Variants in TM9SF4 observed in about 807,000 individuals in gnomAD.
TM9SF4 encodes transmembrane 9 superfamily member 4.
In TM9SF4, 26 loss-of-function variants were observed where a neutral mutation model predicts 90.4. The observed-to-expected ratio is 0.29, with a 90% CI of 0.21 to 0.40. TM9SF4 has a LOEUF of 0.40. TM9SF4 is among the 10% of genes least tolerant of loss of function. The probability of loss-of-function intolerance (pLI) is 1.00; values close to 1 mark genes in which losing one functional copy is unlikely to be tolerated. For synonymous variants in TM9SF4, 293 were observed against 315.4 expected (o/e 0.93, Z 0.75); for missense variants, 549 against 834.8 (o/e 0.66, Z 4.22).
At chr20:32,109,918 C>T (rs2046115178) in intron 1 of TM9SF4, 163 bp downstream of exon 1, 3 of 1,462,550 alleles carry the variant, frequency 2.1e-6, no homozygotes, top group East Asian at 2.5e-5. Flanking sequence ...ATCCACCTCC[C>T]TGGCCCTGCC....
chr20:32,117,799 C>G (rs1352376066), intron 1 of TM9SF4, among the ~76,000 whole-genome samples: 7 of 152,094 alleles, frequency 4.6e-5, no homozygotes, highest in Non-Finnish European at 1.0e-4. Context: ...TGATATGCTG[C>G]CTTTGAGGTC....
At chr20:32,152,980 C>G (rs1489994205) in intron 12 of TM9SF4, among the ~76,000 whole-genome samples, 1 of 152,144 alleles carries the variant, frequency 6.6e-6, no homozygotes, top group Non-Finnish European at 1.5e-5. Flanking sequence ...GAATTCTGTG[C>G]TACACAACAG....
intron 3 of TM9SF4, among the ~76,000 whole-genome samples, chr20:32,141,183 C>G (rs1271159962): frequency 1.4e-5 from 2 of 141,490 alleles, no homozygotes; most frequent in African/African-American, 5.4e-5. Flanking sequence ...TGCCACTGCA[C>G]TCCAGCCTGG....
At chr20:32,121,312 C>A (rs1484884515) in intron 1 of TM9SF4, among the ~76,000 whole-genome samples, 2 of 150,034 alleles carry the variant, frequency 1.3e-5, no homozygotes, top group Admixed American at 6.7e-5. Context: ...AACAAGTGAA[C>A]AAAGGTCTCT....
chr20:32,139,144 G>A (rs968087370), intron 3 of TM9SF4, among the ~76,000 whole-genome samples: 1 of 152,182 alleles, frequency 6.6e-6, no homozygotes, highest in Non-Finnish European at 1.5e-5. Flanking sequence ...TTGCTTGCCA[G>A]GGCCGCTACT....
intron 2 of TM9SF4, among the ~76,000 whole-genome samples, chr20:32,135,623 G>C (rs1362081008): frequency 6.6e-6 from 1 of 152,188 alleles, no homozygotes; most frequent in African/African-American, 2.4e-5. Context: ...GGAGAAGCCA[G>C]GCGAGCACAC....
intron 16 of TM9SF4, 142 bp from the exon 17 acceptor site, chr20:32,161,134 T>C (rs1242420491): frequency 3.0e-6 from 2 of 661,622 alleles, no homozygotes; most frequent in Admixed American, 2.4e-5. Flanking sequence ...GGAACCACCA[T>C]CACAGTCAAG....
chr20:32,149,517 C>T (rs559067931), intron 9 of TM9SF4, 117 bp from the exon 10 acceptor site: 25 of 1,345,782 alleles, frequency 1.9e-5, no homozygotes, highest in Non-Finnish European at 2.4e-5. Flanking sequence ...ACTTACACTC[C>T]TGTGTCAGAG....
chr20:32,125,893 C>T (rs1300983525), intron 1 of TM9SF4, among the ~76,000 whole-genome samples: 3 of 151,896 alleles, frequency 2.0e-5, no homozygotes, highest in African/African-American at 4.8e-5. Flanking sequence ...TGGTCTCAAA[C>T]TCCTGGGCTC....
At chr20:32,163,424 C>T (rs2047056075) in intron 17 of TM9SF4, among the ~76,000 whole-genome samples, 1 of 150,988 alleles carries the variant, frequency 6.6e-6, no homozygotes, top group African/African-American at 2.4e-5. Flanking sequence ...CCAGTGGCAG[C>T]CCTAGAGTCT....
chr20:32,116,862 C>CTTTTTTTTTTTTTT (rs201365030), intron 1 of TM9SF4, among the ~76,000 whole-genome samples: 158 of 95,868 alleles, frequency 1.6e-3, no homozygotes, highest in Non-Finnish European at 2.4e-3. Context: ...TTTCCTTTTT[C>CTTTTTTTTTTTTTT]TTTTTTTTTT....
chr20:32,152,746 C>G (rs2046861027), intron 12 of TM9SF4, among the ~76,000 whole-genome samples: 1 of 152,194 alleles, frequency 6.6e-6, no homozygotes. Flanking sequence ...GTCACCTCAT[C>G]CTTTAAGTCT....
intron 1 of TM9SF4, 119 bp downstream of exon 1, chr20:32,109,874 A>T: frequency 1.3e-6 from 2 of 1,529,144 alleles, no homozygotes; most frequent in Non-Finnish European, 8.8e-7. Context: ...CTCAGGCCTG[A>T]GGGCTACCTC....
intron 1 of TM9SF4, among the ~76,000 whole-genome samples, chr20:32,115,806 G>GTTTTTTTTTTTTTTTTTTT (rs1243268586): frequency 9.4e-6 from 1 of 106,306 alleles, no homozygotes. Context: ...ACCACTTTAA[G>GTTTTTTTTTTTTTTTTTTT]CTTTTTTTTT....
At chr20:32,138,079 C>G (rs2046619365) in intron 3 of TM9SF4, among the ~76,000 whole-genome samples, 1 of 152,172 alleles carries the variant, frequency 6.6e-6, no homozygotes, top group Non-Finnish European at 1.5e-5. Flanking sequence ...GGTCACATGG[C>G]CAATAGGTGG....
chr20:32,150,600 T>TCCTC, intron 10 of TM9SF4, 22 bp from the exon 11 acceptor site: 5 of 1,613,746 alleles, frequency 3.1e-6, no homozygotes, highest in East Asian at 2.2e-5. Context: ...TCTCTGCCCT[T>TCCTC]CCTCCCTCCC....
intron 17 of TM9SF4, among the ~76,000 whole-genome samples, chr20:32,161,858 C>T (rs2047023660): frequency 6.6e-6 from 1 of 152,200 alleles, no homozygotes; most frequent in Non-Finnish European, 1.5e-5. Flanking sequence ...CTTCTTCACG[C>T]AAGTACTGTT....
Position 32,165,534 on chromosome 20 carries a change from C to T in TM9SF4, c.*90C>T. On this transcript the variant is annotated 3_prime_UTR_variant, in exon 18 of 18. Coordinates refer to ENST00000398022, the MANE Select transcript of TM9SF4 (RefSeq NM_014742.4). ...GCAGGCACGCAAAATAAAATAACTC[C>T]TGCTCGTTTGGAATGTAACTCCTGG... is the stretch of plus-strand genomic sequence containing the variant. 1 of 1,484,868 alleles carries T rather than the reference C, an allele frequency of 6.7e-7. No homozygotes were observed. Among genetic ancestry groups the T allele is most frequent in the East Asian group, 2.3e-5 (1 of 43,544 alleles). 92.0% of individuals were successfully genotyped at this position (1,484,868 alleles called of 1,614,324 possible). A position where few individuals can be genotyped will look rare whatever the true frequency, so the allele number is the denominator to read the frequency against.
intron 10 of TM9SF4, among the ~76,000 whole-genome samples, chr20:32,150,047 G>A (rs904138632): frequency 2.6e-5 from 4 of 152,174 alleles, no homozygotes; most frequent in Non-Finnish European, 4.4e-5. Flanking sequence ...TCCTTTTGTA[G>A]TCAGAGGCCA....
Sources: allele counts gnomAD v4.1 joint callset (sites outside exome capture counted in the v4.1 genomes callset), GRCh38; gene constraint gnomAD v4.1.1; transcripts MANE v1.5; gene names NCBI Gene and HGNC (gene_info 2026-07-23, HGNC 2026-07-21).